Variants in FGF14 observed in about 807,000 individuals in gnomAD.
FGF14 encodes the protein fibroblast growth factor homologous factor 4.
FGF14 carries 5 observed loss-of-function variants against 25.5 expected under a neutral mutation model. The observed-to-expected ratio is 0.20, with a 90% CI of 0.10 to 0.41. The LOEUF is 0.41. Ranked by LOEUF, FGF14 falls within the 10% of genes least tolerant of loss-of-function variation. The pLI, the probability that FGF14 is intolerant of heterozygous loss-of-function variation, is 1.00. For synonymous variants in FGF14, 138 were observed against 118.3 expected (o/e 1.17, Z -1.08); for missense variants, 222 against 320.1 (o/e 0.69, Z 2.34).
intron 1 of FGF14, chr13:102,002,365 C>T (rs1211511481): frequency 1.3e-5 from 2 of 152,770 alleles, no homozygotes; most frequent in African/African-American, 4.8e-5. Flanking sequence ...TGATAGGCAC[C>T]ACAGTCCTTG....
chr13:102,047,351 T>G (rs1452445695), intron 1 of FGF14, among the ~76,000 whole-genome samples: 2 of 152,072 alleles, frequency 1.3e-5, no homozygotes, highest in Non-Finnish European at 2.9e-5. Context: ...CCTAAAAGAT[T>G]CTAATTGTAA....
At chr13:101,957,885 T>C (rs1322693) in intron 1 of FGF14, among the ~76,000 whole-genome samples, 23,735 of 151,856 alleles carry the variant, frequency 0.16, 2,375 homozygotes, top group East Asian at 0.29. Context: ...CTTATCCATC[T>C]GACTATGACA....
At chr13:102,151,606 G>A (rs992311537) in intron 1 of FGF14, among the ~76,000 whole-genome samples, 1 of 151,998 alleles carries the variant, frequency 6.6e-6, no homozygotes, top group Non-Finnish European at 1.5e-5. Context: ...TCAAGTGATT[G>A]TCCTGCCTTA....
Position 102,325,302 on chromosome 13 carries a change from C to A in FGF14, c.208+76169G>T, listed in dbSNP as rs546393703. Among the ~76,000 whole-genome samples the A allele has an allele frequency of 5.6e-4, 85 of 151,792 alleles. 1 individual carries two copies. Among genetic ancestry groups the A allele is most frequent in the Non-Finnish European group, 1.0e-3 (68 of 67,950 alleles). On this transcript the variant is annotated intron_variant, in intron 1 of 4. Transcript: ENST00000376131. ...CATCCTGTTAGATCAAGGTTATGAA[C>A]AGAAGAAAAAAATTTTAGAAAAACG...
intron 1 of FGF14, among the ~76,000 whole-genome samples, chr13:102,327,574 C>A (rs928706217): frequency 6.6e-6 from 1 of 152,168 alleles, no homozygotes; most frequent in East Asian, 1.9e-4. Flanking sequence ...GTGGTTCACA[C>A]CAATAATTCC....
chr13:101,746,907 T>C (rs1270607192), intron 3 of FGF14, among the ~76,000 whole-genome samples: 1 of 152,030 alleles, frequency 6.6e-6, no homozygotes, highest in African/African-American at 2.4e-5. Flanking sequence ...CTAGCAATAG[T>C]TACAGCAAGA....
Position 101,726,709 on chromosome 13 carries a change from G to A in FGF14, c.510C>T (p.Ala170=). The part of the protein sequence containing the change: ...MLYRQQESGR[A]WFLGLNKEGQ... ...CTTCCTTATTTAATCCCAAAAACCA[G>A]GCTCTACCAGATTCCTGTTGTCTGT... The change falls in exon 4 of 5, where the codon GCC becomes GCT. Residue 170 remains alanine, a synonymous_variant. Coordinates refer to ENST00000376143, the MANE Select transcript of FGF14 (RefSeq NM_004115.4). 5 of 1,613,294 alleles carry A rather than the reference G, an allele frequency of 3.1e-6. No individual in the cohort carries two copies. The highest frequency in any genetic ancestry group is 4.2e-6 in the Non-Finnish European group (5 of 1,179,512).
chr13:101,965,904 C>T (rs1326110237), intron 1 of FGF14, among the ~76,000 whole-genome samples: 1 of 152,066 alleles, frequency 6.6e-6, no homozygotes, highest in Non-Finnish European at 1.5e-5. Context: ...AAGTGTCACT[C>T]CATAAAGAAA....
At chr13:102,067,168 A>G (rs1329795049) in intron 1 of FGF14, among the ~76,000 whole-genome samples, 1 of 152,146 alleles carries the variant, frequency 6.6e-6, no homozygotes, top group African/African-American at 2.4e-5. Flanking sequence ...ATTTGGATTT[A>G]TTTCAACTGA....
intron 1 of FGF14, among the ~76,000 whole-genome samples, chr13:101,971,908 A>G (rs569210368): frequency 6.6e-6 from 1 of 152,362 alleles, no homozygotes; most frequent in Admixed American, 6.5e-5. Context: ...CGTGTATTCT[A>G]CATGGCAGGG....
In FGF14 at chr13:102,276,386, T is replaced by C. The variant is rs760341323; in HGVS notation, c.208+125085A>G. On this transcript the variant is annotated intron_variant, in intron 1 of 4. Coordinates refer to the FGF14 transcript ENST00000376131. ...ATATATATATATATATATATACACA[T>C]TATTGGTTCATCATTTCTGAAATCA... Among the ~76,000 whole-genome samples the C allele has an allele frequency of 9.8e-4, 132 of 134,706 alleles. 1 individual carries two copies. Among genetic ancestry groups the C allele is most frequent in the South Asian group, 7.1e-3 (29 of 4,108 alleles). 88.4% of individuals were successfully genotyped at this position (134,706 alleles called of 152,430 possible).
intron 1 of FGF14, among the ~76,000 whole-genome samples, chr13:102,377,865 G>A (rs2058077589): frequency 6.6e-6 from 1 of 152,082 alleles, no homozygotes; most frequent in Admixed American, 6.6e-5. Context: ...TACAATTCAA[G>A]AACAATATAA....
At chr13:102,145,221 A>G (rs2046805343) in intron 1 of FGF14, among the ~76,000 whole-genome samples, 2 of 152,188 alleles carry the variant, frequency 1.3e-5, no homozygotes, top group South Asian at 4.1e-4. Context: ...AGTTATGACA[A>G]TCATGGCAAT....
At chr13:101,807,258 GA>G (rs1479853276) in intron 3 of FGF14, among the ~76,000 whole-genome samples, 1 of 152,030 alleles carries the variant, frequency 6.6e-6, no homozygotes, top group Non-Finnish European at 1.5e-5. Context: ...TCATTGAAAA[GA>G]ATTAGAGTTG....
chr13:101,916,660 C>T lies in FGF14; in HGVS notation c.-15G>A, dbSNP rs752244362. ...GCCGCGGCCATGGTGGCCCCGGGAA[C>T]GGGTCCGGGGAGGGAGGGCGCGGGA... is the stretch of plus-strand genomic sequence containing the variant. On this transcript the variant is annotated 5_prime_UTR_variant, in exon 1 of 5. Coordinates refer to ENST00000376143, the MANE Select transcript of FGF14 (RefSeq NM_004115.4). 7 of 1,530,402 alleles carry T rather than the reference C, an allele frequency of 4.6e-6. No homozygotes were observed. The highest frequency in any genetic ancestry group is 1.8e-4 in the Middle Eastern group (1 of 5,666). The allele number at this position is 1,530,402 out of a possible 1,614,324, so 94.8% of individuals were successfully genotyped here.
At chr13:102,133,190 A>G (rs1003824329) in intron 1 of FGF14, among the ~76,000 whole-genome samples, 1 of 152,256 alleles carries the variant, frequency 6.6e-6, no homozygotes, top group African/African-American at 2.4e-5. Flanking sequence ...GTTTACCATT[A>G]TAATTCTAGG....
At chr13:101,832,962 A>G (rs2042748816) in intron 3 of FGF14, among the ~76,000 whole-genome samples, 1 of 152,098 alleles carries the variant, frequency 6.6e-6, no homozygotes, top group African/African-American at 2.4e-5. Flanking sequence ...AATTGTCTGT[A>G]AATGAATTTA....
intron 1 of FGF14, among the ~76,000 whole-genome samples, chr13:102,046,266 T>C (rs1438149414): frequency 6.6e-6 from 1 of 152,142 alleles, no homozygotes; most frequent in Non-Finnish European, 1.5e-5. Context: ...TATCATAGAA[T>C]TATAAACACA....
intron 3 of FGF14, among the ~76,000 whole-genome samples, chr13:101,738,912 G>C (rs2036354992): frequency 7.1e-6 from 1 of 141,840 alleles, no homozygotes; most frequent in African/African-American, 2.6e-5. Flanking sequence ...TATACCAATT[G>C]GTATATATAT....
Sources: allele counts gnomAD v4.1 joint callset (sites outside exome capture counted in the v4.1 genomes callset), GRCh38; gene constraint gnomAD v4.1.1; transcripts MANE v1.5; gene names NCBI Gene and HGNC (gene_info 2026-07-23, HGNC 2026-07-21).